The following ITPR2 variants were observed in gnomAD, a reference collection of about 807,000 sequenced individuals.
ITPR2 encodes inositol 1,4,5-trisphosphate-gated calcium channel ITPR2.
Under a neutral mutation model 317.1 loss-of-function variants are expected in ITPR2, and 207 were observed. The ratio of observed to expected loss-of-function variants is 0.65; its 90% confidence interval spans 0.58 to 0.73. ITPR2 has a LOEUF of 0.73. Ranked by LOEUF, ITPR2 falls within the 30% of genes least tolerant of loss-of-function variation. The pLI is 0.00. For synonymous variants in ITPR2, 1,156 were observed against 1,149.1 expected (o/e 1.01, Z -0.12); for missense variants, 2,613 against 3,284.0 (o/e 0.80, Z 4.99).
intron 37 of ITPR2, among the ~76,000 whole-genome samples, chr12:26,538,101 T>C (rs902013231): frequency 2.0e-5 from 3 of 152,204 alleles, no homozygotes; most frequent in Admixed American, 6.5e-5. Context: ...AGAGACAGTA[T>C]CATGTAGTGA....
chr12:26,457,793 A>G (rs1457541355), intron 45 of ITPR2, among the ~76,000 whole-genome samples: 5 of 152,216 alleles, frequency 3.3e-5, no homozygotes, highest in African/African-American at 7.2e-5. Flanking sequence ...CCACAGGCAA[A>G]TCACTTAGCT....
At chr12:26,713,530 G>A (rs902787126) in intron 8 of ITPR2, among the ~76,000 whole-genome samples, 5 of 152,132 alleles carry the variant, frequency 3.3e-5, no homozygotes, top group East Asian at 1.9e-4. Flanking sequence ...CAATTTATTC[G>A]CTCCCTATTC....
intron 55 of ITPR2, among the ~76,000 whole-genome samples, chr12:26,378,085 A>G (rs1333497746): frequency 6.6e-6 from 1 of 152,164 alleles, no homozygotes; most frequent in Non-Finnish European, 1.5e-5. Flanking sequence ...GCATTAATTT[A>G]GGTGCTGGGA....
chr12:26,382,407 G>A (rs185524425), intron 55 of ITPR2, among the ~76,000 whole-genome samples: 220 of 152,280 alleles, frequency 1.4e-3, no homozygotes, highest in Middle Eastern at 6.8e-3. Context: ...GCTCACACCT[G>A]TAATCCTAGC....
Position 26,532,744 on chromosome 12 carries a change from T to C in ITPR2, c.5073+17503A>G, listed in dbSNP as rs536274908. 2.0e-4 allele frequency among the ~76,000 whole-genome samples: 30 copies of C among 152,300 alleles called. No homozygotes were observed. The East Asian group carries it at 2.1e-3, about 11-fold the overall frequency. On this transcript the variant is annotated intron_variant, in intron 37 of 56. Transcript: ENST00000381340. Reference sequence around the variant, plus strand: ...CGATGTTGCCCAGGCTGGAGTACAGTGGCGCAATCTTGGCTCACTGCAACC... The same window carrying C: ...CGATGTTGCCCAGGCTGGAGTACAGCGGCGCAATCTTGGCTCACTGCAACC...
intron 45 of ITPR2, among the ~76,000 whole-genome samples, chr12:26,449,411 T>G (rs775154279): frequency 6.6e-6 from 1 of 152,216 alleles, no homozygotes; most frequent in African/African-American, 2.4e-5. Flanking sequence ...CTTTTTTCTC[T>G]GATTCTGTGA....
intron 55 of ITPR2, among the ~76,000 whole-genome samples, chr12:26,368,225 C>G (rs1939076042): frequency 6.6e-6 from 1 of 152,166 alleles, no homozygotes; most frequent in African/African-American, 2.4e-5. Context: ...CTCAAAGAGT[C>G]TTTGGATAGA....
intron 2 of ITPR2, among the ~76,000 whole-genome samples, chr12:26,785,179 G>C (rs1199696164): frequency 2.7e-5 from 1 of 36,944 alleles, no homozygotes; most frequent in Admixed American, 3.3e-4. Context: ...GGTGGGGGGG[G>C]GTCAGCCCCC....
chr12:26,780,950 G>T (rs1950064492), intron 2 of ITPR2, among the ~76,000 whole-genome samples: 1 of 152,218 alleles, frequency 6.6e-6, no homozygotes. Flanking sequence ...AACAGGCTAA[G>T]AAGGGAGTTA....
intron 52 of ITPR2, among the ~76,000 whole-genome samples, chr12:26,408,781 C>A (rs1326181464): frequency 1.3e-5 from 2 of 152,098 alleles, no homozygotes; most frequent in African/African-American, 4.8e-5. Context: ...ATAAAGGAAA[C>A]AATATTAAAG....
intron 32 of ITPR2, among the ~76,000 whole-genome samples, chr12:26,592,001 T>A (rs1345003087): frequency 6.6e-6 from 1 of 152,176 alleles, no homozygotes; most frequent in Non-Finnish European, 1.5e-5. Context: ...GCACCTTAAG[T>A]GCCCATCAAC....
At chr12:26,793,866 G>A (rs1385189188) in intron 1 of ITPR2, among the ~76,000 whole-genome samples, 2 of 152,080 alleles carry the variant, frequency 1.3e-5, no homozygotes, top group Admixed American at 6.5e-5. Flanking sequence ...CCTGAAAAAG[G>A]CCAAGAGAGC....
intron 55 of ITPR2, among the ~76,000 whole-genome samples, chr12:26,379,843 A>G (rs2136614841): frequency 6.6e-6 from 1 of 152,336 alleles, no homozygotes; most frequent in African/African-American, 2.4e-5. Context: ...AAATCCTAAG[A>G]AATCAAACTT....
chr12:26,761,722 G>A (rs547507569), intron 2 of ITPR2, among the ~76,000 whole-genome samples: 22 of 152,268 alleles, frequency 1.4e-4, no homozygotes, highest in South Asian at 4.1e-4. Flanking sequence ...ACTTTAGTCC[G>A]GGGATTCAAG....
At chr12:26,459,973 CCAT>C (rs1404134509) in intron 45 of ITPR2, among the ~76,000 whole-genome samples, 1 of 152,200 alleles carries the variant, frequency 6.6e-6, no homozygotes, top group Non-Finnish European at 1.5e-5. Flanking sequence ...TTGAAATGCA[CCAT>C]CATCTGCCAA....
Position 26,655,797 on chromosome 12 carries a change from T to C in ITPR2, c.2500A>G (p.Thr834Ala), listed in dbSNP as rs1947357814. 1 of 1,612,540 alleles carries C rather than the reference T, an allele frequency of 6.2e-7. No homozygotes were observed. The highest frequency in any genetic ancestry group is 8.5e-7 in the Non-Finnish European group (1 of 1,179,092). ...RNDMKRKFAL[T>A]MEFVEEYLKE... The stretch of plus-strand genomic sequence containing the variant: ...AAATATTCTTCAACAAATTCCATTG[T>C]CAGGGCAAATTTCCTCTTCATATCA... Residue 834 changes from threonine (T) to alanine (A), a missense_variant, in exon 20 of 57, where the codon ACA becomes GCA. Coordinates refer to ENST00000381340, the MANE Select transcript of ITPR2 (RefSeq NM_002223.4).
intron 2 of ITPR2, among the ~76,000 whole-genome samples, chr12:26,772,567 A>G (rs1406361759): frequency 1.4e-5 from 2 of 141,438 alleles, no homozygotes; most frequent in Non-Finnish European, 3.1e-5. Flanking sequence ...TGTATTATAT[A>G]TATATATGTA....
chr12:26,831,917 G>GTA lies in ITPR2; in HGVS notation c.92+771_92+772dup, dbSNP rs372665386. Reference sequence around the variant, plus strand: ...TTCATAAACATATATACATATATGTGTATATATATATATATTTTTCCCCCC... The same window carrying GTA: ...TTCATAAACATATATACATATATGTGTATATATATATATATATTTTTCCCCCC... On this transcript the variant is annotated intron_variant, in intron 1 of 56. Coordinates refer to ENST00000381340, the MANE Select transcript of ITPR2 (RefSeq NM_002223.4). The surrounding 1 kb of genome is among the most constrained non-coding windows in gnomAD (Gnocchi z 4.9). Among the ~76,000 whole-genome samples the GTA allele has an allele frequency of 0.014, 1,953 of 143,746 alleles. 49 individuals are homozygous for GTA. Among genetic ancestry groups the GTA allele is most frequent in the African/African-American group, 0.041 (1,582 of 38,904 alleles). The allele number at this position is 143,746 out of a possible 152,430, so 94.3% of individuals were successfully genotyped here. A position where few individuals can be genotyped will look rare whatever the true frequency, so the allele number is the denominator to read the frequency against.
intron 26 of ITPR2, among the ~76,000 whole-genome samples, chr12:26,602,986 C>T (rs890820829): frequency 1.3e-5 from 2 of 152,100 alleles, no homozygotes; most frequent in African/African-American, 4.8e-5. Flanking sequence ...ATTATTAGTG[C>T]ATATCCATAT....
Sources: allele counts gnomAD v4.1 joint callset (sites outside exome capture counted in the v4.1 genomes callset), GRCh38; gene constraint gnomAD v4.1.1; non-coding constraint Gnocchi (gnomAD v3.1); transcripts MANE v1.5; gene names NCBI Gene and HGNC (gene_info 2026-07-23, HGNC 2026-07-21).